Variants in CNTNAP5 observed in about 807,000 individuals in gnomAD.
CNTNAP5 encodes contactin associated protein family member 5, also known as contactin-associated protein-like 5.
CNTNAP5 carries 72 observed loss-of-function variants against 150.2 expected under a neutral mutation model. The observed-to-expected ratio is 0.48, with a 90% CI of 0.40 to 0.58. The LOEUF (loss-of-function observed/expected upper bound fraction) is 0.58. Among genes scored for constraint, CNTNAP5 ranks in the 20% least tolerant of loss-of-function variants. The probability of loss-of-function intolerance (pLI) is 0.00; values close to 1 mark genes in which losing one functional copy is unlikely to be tolerated. For missense variants in CNTNAP5, 1,636 were observed against 1,626.2 expected (o/e 1.01, Z -0.10); for synonymous variants, 672 against 619.8 (o/e 1.08, Z -1.25).
intron 3 of CNTNAP5, among the ~76,000 whole-genome samples, chr2:124,298,669 G>C (rs780230159): frequency 1.1e-4 from 16 of 152,044 alleles, no homozygotes; most frequent in Non-Finnish European, 2.1e-4. Context: ...CAATAAACTT[G>C]TTGTGGAGGC....
At chr2:124,794,578 A>G (rs1232140241) in intron 18 of CNTNAP5, among the ~76,000 whole-genome samples, 1 of 152,208 alleles carries the variant, frequency 6.6e-6, no homozygotes, top group Non-Finnish European at 1.5e-5. Context: ...CTCTTTACAT[A>G]TTGCCAAAAA....
chr2:124,363,921 T>C (rs1406368746), intron 3 of CNTNAP5, among the ~76,000 whole-genome samples: 1 of 152,234 alleles, frequency 6.6e-6, no homozygotes, highest in South Asian at 2.1e-4. Context: ...CTGTGTCCCC[T>C]GCTCCAAGCC....
chr2:124,877,570 C>T (rs1398814341), intron 21 of CNTNAP5, among the ~76,000 whole-genome samples: 1 of 152,078 alleles, frequency 6.6e-6, no homozygotes, highest in African/African-American at 2.4e-5. Context: ...AACTATTGAG[C>T]ATTACTATGG....
intron 1 of CNTNAP5, among the ~76,000 whole-genome samples, chr2:124,077,809 C>T (rs553769299): frequency 6.6e-6 from 1 of 152,276 alleles, no homozygotes; most frequent in South Asian, 2.1e-4. Flanking sequence ...TACAACTTGA[C>T]TTGAATCAGC....
chr2:124,863,906 A>G (rs759642470), intron 19 of CNTNAP5, among the ~76,000 whole-genome samples: 5 of 152,176 alleles, frequency 3.3e-5, no homozygotes, highest in East Asian at 1.9e-4. Flanking sequence ...TTTCTCCCCA[A>G]TGGCCATCAG....
chr2:124,286,804 T>C (rs1048312503), intron 3 of CNTNAP5, among the ~76,000 whole-genome samples: 46 of 152,202 alleles, frequency 3.0e-4, no homozygotes, highest in African/African-American at 1.0e-3. Context: ...GTTTTCAATG[T>C]AGCTGTTCTC....
At chr2:124,487,837 T>A (rs1428075716) in intron 7 of CNTNAP5, among the ~76,000 whole-genome samples, 3 of 152,112 alleles carry the variant, frequency 2.0e-5, no homozygotes, top group African/African-American at 7.2e-5. Context: ...CGAATGCTTA[T>A]ACTAGGATTT....
At chr2:124,185,844 C>A (rs901356260) in intron 1 of CNTNAP5, among the ~76,000 whole-genome samples, 3 of 152,160 alleles carry the variant, frequency 2.0e-5, no homozygotes, top group South Asian at 4.1e-4. Flanking sequence ...TGAGCAGGTC[C>A]CTCTGCATAT....
rs895918052 is a variant in CNTNAP5, at chr2:124,757,599, G to T, written c.2235-6073G>T. ...TCCATTTGCAAATGATAAACCTTGAGAAGTTTCATCACCTTCCTGAATCTC... is the reference window on the plus strand; with the variant it reads ...TCCATTTGCAAATGATAAACCTTGATAAGTTTCATCACCTTCCTGAATCTC... On this transcript the variant is annotated intron_variant, in intron 14 of 23. Transcript: ENST00000682447. Among the ~76,000 whole-genome samples, 3 of 152,176 alleles carry T rather than the reference G, an allele frequency of 2.0e-5. No homozygotes were observed. The East Asian group carries it at 5.8e-4, about 29-fold the overall frequency.
chr2:124,691,495 C>T (rs1448495025), intron 13 of CNTNAP5, among the ~76,000 whole-genome samples: 3 of 152,190 alleles, frequency 2.0e-5, no homozygotes, highest in Admixed American at 2.0e-4. Flanking sequence ...TGTTGGCTTT[C>T]TGAGGACTTC....
At chr2:124,400,701 T>TTTTA (rs1691399213) in intron 3 of CNTNAP5, among the ~76,000 whole-genome samples, 1 of 149,600 alleles carries the variant, frequency 6.7e-6, no homozygotes, top group African/African-American at 2.5e-5. Context: ...TTTTTTTCTT[T>TTTTA]AGTGGAATGT....
At chr2:124,669,505 C>T (rs1424620213) in intron 13 of CNTNAP5, among the ~76,000 whole-genome samples, 3 of 152,362 alleles carry the variant, frequency 2.0e-5, no homozygotes, top group South Asian at 2.1e-4. Context: ...GCCCAGGGCT[C>T]TCTTCATCAT....
chr2:124,436,023 T>C (rs1007355021), intron 5 of CNTNAP5, among the ~76,000 whole-genome samples: 3 of 152,160 alleles, frequency 2.0e-5, no homozygotes, highest in Non-Finnish European at 4.4e-5. Context: ...TTTCTGAATG[T>C]TGGGCGTCCA....
At chr2:124,632,660 A>G (rs1003352164) in intron 12 of CNTNAP5, among the ~76,000 whole-genome samples, 6 of 152,026 alleles carry the variant, frequency 3.9e-5, no homozygotes, top group Non-Finnish European at 7.3e-5. Flanking sequence ...ACACATGTTT[A>G]TGTATGTTAC....
At chr2:124,406,451 C>T (rs543687091) in intron 3 of CNTNAP5, among the ~76,000 whole-genome samples, 2 of 152,092 alleles carry the variant, frequency 1.3e-5, no homozygotes, top group Non-Finnish European at 2.9e-5. Flanking sequence ...TTCTACATGC[C>T]TTGCAAACAT....
intron 13 of CNTNAP5, among the ~76,000 whole-genome samples, chr2:124,683,936 C>T (rs1302005541): frequency 6.6e-6 from 1 of 152,048 alleles, no homozygotes; most frequent in African/African-American, 2.4e-5. Context: ...TGTGAAATAC[C>T]ACCTTGGACA....
intron 3 of CNTNAP5, among the ~76,000 whole-genome samples, chr2:124,307,821 C>A (rs540930643): frequency 1.3e-5 from 2 of 152,242 alleles, no homozygotes; most frequent in East Asian, 1.9e-4. Flanking sequence ...TGCTTTATTT[C>A]CCCCACTGGC....
At chr2:124,261,971 C>T (rs1007936487) in intron 3 of CNTNAP5, among the ~76,000 whole-genome samples, 76 of 152,228 alleles carry the variant, frequency 5.0e-4, no homozygotes, top group African/African-American at 1.7e-3. Flanking sequence ...ACAGCTGGTT[C>T]GGTGGCTCAT....
At chr2:124,103,479 T>A (rs184036392) in intron 1 of CNTNAP5, among the ~76,000 whole-genome samples, 11 of 152,250 alleles carry the variant, frequency 7.2e-5, no homozygotes, top group Admixed American at 6.5e-4. Context: ...ATAAGCTCCA[T>A]TCATGGTAAA....
Sources: gnomAD v4.1 joint callset for allele counts (sites outside exome capture counted in the v4.1 genomes callset) on GRCh38, gnomAD v4.1.1 for gene constraint, MANE v1.5 for transcripts, NCBI Gene and HGNC (gene_info 2026-07-23, HGNC 2026-07-21) for gene names.